PRKCE: variants seen among roughly 807,000 people sequenced by gnomAD.
The protein encoded by PRKCE is protein kinase C epsilon, also known as protein kinase C epsilon type.
Under a neutral mutation model 85.4 loss-of-function variants are expected in PRKCE, and 16 were observed. The ratio of observed to expected loss-of-function variants is 0.19; its 90% confidence interval spans 0.13 to 0.28. The LOEUF (loss-of-function observed/expected upper bound fraction) is 0.28. Among genes scored for constraint, PRKCE ranks in the 10% least tolerant of loss-of-function variants. The pLI is 1.00. For synonymous variants in PRKCE, 388 were observed against 371.5 expected (o/e 1.04, Z -0.51); for missense variants, 573 against 975.2 (o/e 0.59, Z 5.49).
At chr2:45,716,914 G>A (rs551376600) in intron 1 of PRKCE, among the ~76,000 whole-genome samples, 48 of 152,294 alleles carry the variant, frequency 3.2e-4, no homozygotes, top group African/African-American at 1.1e-3. Context: ...GAAGGGAGAA[G>A]CCCCTTATAA....
intron 1 of PRKCE, among the ~76,000 whole-genome samples, chr2:45,716,584 A>AAAGGAAGG (rs796876261): frequency 6.6e-6 from 1 of 151,106 alleles, no homozygotes; most frequent in Non-Finnish European, 1.5e-5. Flanking sequence ...AGAAAGGAAG[A>AAAGGAAGG]AAGGAAGGAA....
intron 11 of PRKCE, among the ~76,000 whole-genome samples, chr2:46,115,824 C>T (rs188469794): frequency 3.4e-4 from 52 of 152,348 alleles, no homozygotes; most frequent in Non-Finnish European, 5.3e-4. Flanking sequence ...CCGGGGAACT[C>T]GGCTGAGAGA....
chr2:45,778,954 G>C (rs56143127), intron 1 of PRKCE, among the ~76,000 whole-genome samples: 10,286 of 152,226 alleles, frequency 0.068, 872 homozygotes, highest in African/African-American at 0.2. Flanking sequence ...TTAAAACTTG[G>C]AGTTACAAGT....
chr2:45,715,168 C>T (rs1191914613), intron 1 of PRKCE, among the ~76,000 whole-genome samples: 4 of 152,258 alleles, frequency 2.6e-5, no homozygotes, highest in Non-Finnish European at 5.9e-5. Flanking sequence ...CAACTGTGTG[C>T]AACCGTGTGC....
At chr2:45,977,093 C>T (rs770490630) in intron 3 of PRKCE, among the ~76,000 whole-genome samples, 15 of 152,050 alleles carry the variant, frequency 9.9e-5, no homozygotes, top group Non-Finnish European at 1.6e-4. Context: ...GGTAGGGTTT[C>T]GCCATGTTGG....
At chr2:45,712,296 C>T (rs547199564) in intron 1 of PRKCE, among the ~76,000 whole-genome samples, 9 of 151,760 alleles carry the variant, frequency 5.9e-5, no homozygotes, top group Non-Finnish European at 1.0e-4. Context: ...TACAGGCATG[C>T]ACCACCACGC....
intron 2 of PRKCE, among the ~76,000 whole-genome samples, chr2:45,955,213 G>C (rs1179895190): frequency 6.6e-6 from 1 of 152,208 alleles, no homozygotes; most frequent in Non-Finnish European, 1.5e-5. Context: ...ATATCGAAAG[G>C]TTTCATGGAG....
At chr2:45,961,739 G>C (rs965032140) in intron 2 of PRKCE, among the ~76,000 whole-genome samples, 1 of 151,932 alleles carries the variant, frequency 6.6e-6, no homozygotes, top group African/African-American at 2.4e-5. Context: ...TTTGTTGTCC[G>C]GGCTGGAGTG....
rs149266435 is a variant in PRKCE at position 45,862,786 on chromosome 2, G to A, written c.412+19723G>A. Among the ~76,000 whole-genome samples, 90 of 152,322 alleles carry A rather than the reference G, an allele frequency of 5.9e-4. 1 individual carries two copies. In the East Asian group the frequency reaches 0.017, roughly 28 times the overall value. The stretch of plus-strand genomic sequence containing the variant: ...CTGTGTGTGTTTATATGTGTGTGGT[G>A]TGTGTACATACATGCATGCAAATGT... On this transcript the variant is annotated intron_variant, in intron 2 of 14. Transcript: ENST00000306156.
intron 1 of PRKCE, among the ~76,000 whole-genome samples, chr2:45,790,508 C>T (rs1487209604): frequency 6.6e-6 from 1 of 152,132 alleles, no homozygotes. Context: ...ATTAAAATAA[C>T]CTATGTGACT....
chr2:45,763,960 T>G (rs1684715286), intron 1 of PRKCE, among the ~76,000 whole-genome samples: 3 of 152,208 alleles, frequency 2.0e-5, no homozygotes, highest in South Asian at 4.1e-4. Flanking sequence ...TAAATTCCCT[T>G]CCCAGTCCTC....
At chr2:45,922,644 C>A (rs1698335357) in intron 2 of PRKCE, among the ~76,000 whole-genome samples, 1 of 152,252 alleles carries the variant, frequency 6.6e-6, no homozygotes, top group African/African-American at 2.4e-5. Context: ...CAGCAACTGC[C>A]TGGGGTGCCG....
intron 14 of PRKCE, among the ~76,000 whole-genome samples, chr2:46,173,855 GTTAGC>G (rs1440409955): frequency 6.6e-6 from 1 of 152,222 alleles, no homozygotes; most frequent in Non-Finnish European, 1.5e-5. Flanking sequence ...GAGGTTTGCT[GTTAGC>G]TAATACCTGA....
chr2:45,759,431 C>T (rs1449256118), intron 1 of PRKCE, among the ~76,000 whole-genome samples: 2 of 152,322 alleles, frequency 1.3e-5, no homozygotes, highest in South Asian at 2.1e-4. Context: ...GGAGAACGAG[C>T]TCGGCCCAGC....
intron 1 of PRKCE, among the ~76,000 whole-genome samples, chr2:45,797,413 C>T (rs1167578407): frequency 6.6e-6 from 1 of 152,242 alleles, no homozygotes; most frequent in Non-Finnish European, 1.5e-5. Context: ...TCAGTTTACA[C>T]CTGTGGACCC....
intron 1 of PRKCE, among the ~76,000 whole-genome samples, chr2:45,799,142 G>C (rs1182140822): frequency 6.6e-6 from 1 of 151,522 alleles, no homozygotes; most frequent in South Asian, 2.1e-4. Context: ...CTCCAGCCTG[G>C]GCAACAGAGT....
chr2:45,992,227 A>G (rs1366959671), intron 6 of PRKCE, among the ~76,000 whole-genome samples: 1 of 152,156 alleles, frequency 6.6e-6, no homozygotes, highest in Admixed American at 6.5e-5. Context: ...AACATCCACA[A>G]TGCCTGGGGA....
In PRKCE at chr2:45,976,500, C is replaced by T. The variant is rs747860089; in HGVS notation, c.484C>T (p.Arg162Cys). Residue 162 changes from arginine to cysteine, a missense_variant, in exon 3 of 15, where the codon CGC becomes TGC. This residue lies in a region of PRKCE where 29 missense variants were observed against 96.2 expected (regional missense o/e 0.30). Transcript: ENST00000306156. ...RPRKRQGAVRRRVHQVNGHKF... is the reference protein window; with the variant it reads ...RPRKRQGAVRCRVHQVNGHKF... The stretch of plus-strand genomic sequence containing the variant: ...GAGGAAGCGGCAGGGGGCCGTCAGG[C>T]GCAGGGTCCATCAGGTCAACGGCCA... 4 of 1,599,756 alleles carry T rather than the reference C, an allele frequency of 2.5e-6. No individual in the cohort carries two copies. The highest frequency in any genetic ancestry group is 2.5e-6 in the Non-Finnish European group (3 of 1,179,950).
intron 2 of PRKCE, among the ~76,000 whole-genome samples, chr2:45,899,818 G>A (rs945286901): frequency 2.6e-5 from 4 of 152,208 alleles, no homozygotes; most frequent in African/African-American, 9.6e-5. Context: ...AGGGCAGTGT[G>A]GAGAAAAGCC....
Sources: allele counts gnomAD v4.1 joint callset (sites outside exome capture counted in the v4.1 genomes callset), GRCh38; gene constraint gnomAD v4.1.1; regional missense constraint gnomAD v4.1.1; transcripts MANE v1.5; gene names NCBI Gene and HGNC (gene_info 2026-07-23, HGNC 2026-07-21).